SYT1: variants seen among roughly 807,000 people sequenced by gnomAD.
The protein encoded by SYT1 is synaptotagmin-1.
In SYT1, 8 loss-of-function variants were observed where a neutral mutation model predicts 44.8. The observed-to-expected ratio is 0.18, with a 90% CI of 0.10 to 0.32. SYT1 has a LOEUF of 0.32. Ranked by LOEUF, SYT1 falls within the 10% of genes least tolerant of loss-of-function variation. SYT1 has a pLI of 1.00. For missense variants in SYT1, 286 were observed against 509.3 expected, an observed-to-expected ratio of 0.56 and a Z score of 4.22; for synonymous variants, 154 against 188.8, an observed-to-expected ratio of 0.82 and a Z score of 1.51.
intron 3 of SYT1, among the ~76,000 whole-genome samples, chr12:79,170,368 T>C (rs576646084): frequency 2.0e-5 from 3 of 152,192 alleles, no homozygotes; most frequent in African/African-American, 7.2e-5. Context: ...CCATTATTTT[T>C]TGACTTTTTG....
intron 2 of SYT1, among the ~76,000 whole-genome samples, chr12:78,982,570 T>A (rs1201124133): frequency 6.6e-6 from 1 of 152,096 alleles, no homozygotes; most frequent in African/African-American, 2.4e-5. Context: ...AGGGCAGAAA[T>A]GGTCAATGCC....
intron 3 of SYT1, among the ~76,000 whole-genome samples, chr12:79,107,828 T>C (rs191522905): frequency 1.1e-4 from 16 of 152,018 alleles, no homozygotes; most frequent in Non-Finnish European, 4.4e-5. Flanking sequence ...AGCTAAAACA[T>C]ACCCAGAAAC....
intron 2 of SYT1, among the ~76,000 whole-genome samples, chr12:79,018,413 A>G (rs1354024417): frequency 6.6e-6 from 1 of 152,076 alleles, no homozygotes; most frequent in Non-Finnish European, 1.5e-5. Context: ...TAATGGGTGC[A>G]GCACACCAAC....
chr12:79,191,089 A>C (rs201627336), intron 3 of SYT1, among the ~76,000 whole-genome samples: 1 of 97,666 alleles, frequency 1.0e-5, no homozygotes, highest in South Asian at 2.7e-4. Context: ...ACTGAAAAAA[A>C]CATAAATATA....
chr12:79,419,588 T>C (rs1868976754), intron 9 of SYT1, among the ~76,000 whole-genome samples: 2 of 152,178 alleles, frequency 1.3e-5, no homozygotes, highest in Admixed American at 6.5e-5. Flanking sequence ...GCTTCATACA[T>C]TTTAGTTGAA....
intron 9 of SYT1, among the ~76,000 whole-genome samples, chr12:79,369,166 A>G (rs1056481782): frequency 1.2e-4 from 18 of 152,174 alleles, no homozygotes; most frequent in African/African-American, 4.3e-4. Context: ...AAACCTATCT[A>G]TATTCAGTCT....
At chr12:79,074,683 C>T (rs1592724276) in intron 3 of SYT1, among the ~76,000 whole-genome samples, 1 of 152,136 alleles carries the variant, frequency 6.6e-6, no homozygotes, top group Non-Finnish European at 1.5e-5. Flanking sequence ...ACTTTCCCCT[C>T]GACCTGTACC....
At chr12:79,003,347 T>A (rs1234343671) in intron 2 of SYT1, among the ~76,000 whole-genome samples, 1 of 151,976 alleles carries the variant, frequency 6.6e-6, no homozygotes, top group East Asian at 1.9e-4. Context: ...ACTTGCAATC[T>A]TCACTCTTCT....
chr12:79,199,473 G>A (rs1873653987), intron 3 of SYT1, among the ~76,000 whole-genome samples: 1 of 152,020 alleles, frequency 6.6e-6, no homozygotes, highest in African/African-American at 2.4e-5. Flanking sequence ...CCCATATTGT[G>A]TAGGCTTTAT....
At chr12:78,944,976 A>G (rs1183275603) in intron 1 of SYT1, among the ~76,000 whole-genome samples, 2 of 152,190 alleles carry the variant, frequency 1.3e-5, no homozygotes, top group South Asian at 2.1e-4. Context: ...TGTTGCAGAG[A>G]CAAACTGTAC....
intron 9 of SYT1, among the ~76,000 whole-genome samples, chr12:79,417,649 T>C (rs7310309): frequency 0.71 from 107,290 of 152,084 alleles, 42,137 homozygotes; most frequent in East Asian, 0.91. Flanking sequence ...CATGACAAGG[T>C]CCAGGCCTGC....
chr12:79,252,521 G>T (rs1389659395), intron 4 of SYT1, among the ~76,000 whole-genome samples: 1 of 152,102 alleles, frequency 6.6e-6, no homozygotes, highest in South Asian at 2.1e-4. Context: ...CAGGGAAGTT[G>T]TGAATGGAAG....
intron 2 of SYT1, among the ~76,000 whole-genome samples, chr12:79,036,808 C>G: frequency 6.6e-6 from 1 of 151,696 alleles, no homozygotes; most frequent in East Asian, 1.9e-4. Context: ...AGGCTATTCT[C>G]TTTCACGAGA....
In SYT1 at chr12:79,291,758, T is replaced by C. The variant is rs1438394260; in HGVS notation, c.352-250T>C. On this transcript the variant is annotated intron_variant, in intron 5 of 10. Transcript: ENST00000261205. ...CTTTCTTTGCAACAATGTTACATTT[T>C]TTGCTTGCAATATTCTGAGGGGCTT... 8.6e-6 allele frequency: 5 copies of C among 580,594 alleles called. No individual in the cohort carries two copies. In the Admixed American group the frequency reaches 1.1e-4, roughly 13 times the overall value. The allele number at this position is 580,594 out of a possible 1,614,324, so 36.0% of individuals were successfully genotyped here. A position where few individuals can be genotyped will look rare whatever the true frequency, so the allele number is the denominator to read the frequency against.
chr12:78,989,793 A>T (rs10861276), intron 2 of SYT1, among the ~76,000 whole-genome samples: 1 of 151,928 alleles, frequency 6.6e-6, no homozygotes, highest in South Asian at 2.1e-4. Flanking sequence ...CAAAGAAAAA[A>T]CTAGGACATG....
chr12:79,065,561 A>G (rs1875781893), intron 3 of SYT1, among the ~76,000 whole-genome samples: 1 of 152,198 alleles, frequency 6.6e-6, no homozygotes, highest in South Asian at 2.1e-4. Flanking sequence ...CCCAGTAACA[A>G]CAGTTAGCAG....
At chr12:79,103,056 G>A (rs1878527523) in intron 3 of SYT1, 1 of 152,194 alleles carries the variant, frequency 6.6e-6, no homozygotes, top group Non-Finnish European at 1.5e-5. Flanking sequence ...CCCAGGTCAA[G>A]TAAGTATTCA....
intron 2 of SYT1, among the ~76,000 whole-genome samples, chr12:79,033,555 C>T (rs1412263439): frequency 6.6e-6 from 1 of 151,282 alleles, no homozygotes; most frequent in Non-Finnish European, 1.5e-5. Context: ...GAGCTTCTTT[C>T]TTGCATCGTC....
chr12:79,171,857 A>C (rs1871545838), intron 3 of SYT1, among the ~76,000 whole-genome samples: 1 of 151,972 alleles, frequency 6.6e-6, no homozygotes, highest in South Asian at 2.1e-4. Flanking sequence ...ATTCCTCCTT[A>C]TTTTAATGAG....
Sources: allele counts gnomAD v4.1 joint callset (sites outside exome capture counted in the v4.1 genomes callset), GRCh38; gene constraint gnomAD v4.1.1; transcripts MANE v1.5; gene names NCBI Gene and HGNC (gene_info 2026-07-23, HGNC 2026-07-21).